Variants in HDAC4 observed in about 807,000 individuals in gnomAD.
HDAC4 encodes the protein histone deacetylase 4, also known as histone deacetylase A.
HDAC4 carries 16 observed loss-of-function variants against 135.1 expected under a neutral mutation model. The ratio of observed to expected loss-of-function variants is 0.12; its 90% CI spans 0.08 to 0.18. The LOEUF (loss-of-function observed/expected upper bound fraction) is 0.18. Among genes scored for constraint, HDAC4 ranks in the 10% least tolerant of loss-of-function variants. HDAC4 has a pLI of 1.00. For synonymous variants in HDAC4, 685 were observed against 653.4 expected (o/e 1.05, Z -0.74); for missense variants, 1,143 against 1,511.8 (o/e 0.76, Z 4.05).
chr2:239,066,592 C>A (rs1045109218), intron 24 of HDAC4, 130 bp downstream of exon 24: 2 of 1,220,072 alleles, frequency 1.6e-6, no homozygotes, highest in Admixed American at 1.7e-5. Flanking sequence ...AGGTGCAAGG[C>A]GGAGCTGCAA....
chr2:239,132,263 C>A (rs1161357636), intron 11 of HDAC4, among the ~76,000 whole-genome samples: 1 of 152,232 alleles, frequency 6.6e-6, no homozygotes, highest in Non-Finnish European at 1.5e-5. Context: ...GCACACAGAG[C>A]ATAAGCGGCT....
At chr2:239,233,509 T>C (rs1287650214) in intron 3 of HDAC4, among the ~76,000 whole-genome samples, 2 of 151,528 alleles carry the variant, frequency 1.3e-5, no homozygotes, top group South Asian at 2.1e-4. Context: ...TTCCAAGCAT[T>C]ACAGATAAGA....
Position 239,137,649 on chromosome 2 carries a change from C to T in HDAC4, c.978+2035G>A, listed in dbSNP as rs369469784. 3.9e-5 allele frequency among the ~76,000 whole-genome samples: 6 copies of T among 152,196 alleles called. No homozygotes were observed. In the East Asian group the frequency reaches 5.8e-4, roughly 15 times the overall value. ...TGCTCCCCCCACATCCTCATCCACT[C>T]GAGACACCCCCTCTGACGGGCAAGC... On this transcript the variant is annotated intron_variant, in intron 9 of 26. Transcript: ENST00000543185.
rs2043172923 is a variant in HDAC4 at position 239,167,281 on chromosome 2, C to T, written c.491-3358G>A. On this transcript the variant is annotated intron_variant, in intron 5 of 26. Coordinates refer to ENST00000543185, the MANE Select transcript of HDAC4 (RefSeq NM_001378414.1). The surrounding 1 kb of genome is among the most constrained non-coding windows in gnomAD (Gnocchi z 4.1). ...GGGTGCGCACTCCAGGAACAGGACC[C>T]ACTTTATGACCCACGTCCTCTCCCT... Among the ~76,000 whole-genome samples, 1 of 152,194 alleles carries T rather than the reference C, an allele frequency of 6.6e-6. No homozygotes were observed. The highest frequency in any genetic ancestry group is 2.4e-5 in the African/African-American group (1 of 41,446).
At chr2:239,168,903 G>A (rs1033993779) in intron 5 of HDAC4, among the ~76,000 whole-genome samples, 1 of 152,230 alleles carries the variant, frequency 6.6e-6, no homozygotes, top group African/African-American at 2.4e-5. Flanking sequence ...CACCGGGACG[G>A]CCGCCTGTGA....
intron 2 of HDAC4, among the ~76,000 whole-genome samples, chr2:239,238,527 C>T (rs2048012328): frequency 6.6e-6 from 1 of 152,142 alleles, no homozygotes; most frequent in Non-Finnish European, 1.5e-5. Context: ...CAGCTCAACG[C>T]CCAACCTTAG....
chr2:239,139,599 C>A lies in HDAC4; in HGVS notation c.978+85G>T. 2.5e-6 allele frequency: 3 copies of A among 1,212,626 alleles called. No homozygotes were observed. 75.1% of individuals were successfully genotyped at this position (1,212,626 alleles called of 1,614,324 possible). ...AAATTGGAAGGTGAAGAGTGAAGGGCAAGTGCAAAGTGGGGTCATTTCAAG... is the reference window on the plus strand; with the variant it reads ...AAATTGGAAGGTGAAGAGTGAAGGGAAAGTGCAAAGTGGGGTCATTTCAAG... On this transcript the variant is annotated intron_variant, in intron 9 of 26. Coordinates refer to ENST00000543185, the MANE Select transcript of HDAC4 (RefSeq NM_001378414.1). This position sits in a 1 kb window ranked among gnomAD's most constrained non-coding sequence, Gnocchi z 5.3.
intron 2 of HDAC4, among the ~76,000 whole-genome samples, chr2:239,290,933 G>C (rs749982196): frequency 1.3e-5 from 2 of 152,216 alleles, no homozygotes; most frequent in South Asian, 2.1e-4. Context: ...GTAAGGCAAG[G>C]GGTGGGGATT....
intron 16 of HDAC4, among the ~76,000 whole-genome samples, chr2:239,101,416 CT>C (rs1471386660): frequency 6.6e-6 from 1 of 152,164 alleles, no homozygotes; most frequent in Non-Finnish European, 1.5e-5. Flanking sequence ...GAGTGCAGGT[CT>C]CTGTGAGGCT....
In HDAC4 at chr2:239,082,365, C is replaced by T. The variant is rs115052540; in HGVS notation, c.2533-144G>A. 10 of 1,083,262 alleles carry T rather than the reference C, an allele frequency of 9.2e-6. No individual in the cohort carries two copies. The African/African-American group carries it at 9.3e-5, about 10-fold the overall frequency. 67.1% of individuals were successfully genotyped at this position (1,083,262 alleles called of 1,614,324 possible). A position where few individuals can be genotyped will look rare whatever the true frequency, so the allele number is the denominator to read the frequency against. ...ATTACCCTCCAGCTGGGCCCGTACC[C>T]GGCAGGCGCGATTCTGGGGCTGTGT... On this transcript the variant is annotated intron_variant, in intron 20 of 26. Coordinates refer to ENST00000543185, the MANE Select transcript of HDAC4 (RefSeq NM_001378414.1).
chr2:239,091,846 G>T (rs917675517), intron 17 of HDAC4: 1 of 151,558 alleles, frequency 6.6e-6, no homozygotes, highest in Admixed American at 6.6e-5. Context: ...GGATCACAAG[G>T]TCAGGAGATC....
intron 1 of HDAC4, among the ~76,000 whole-genome samples, chr2:239,390,491 C>T (rs983013155): frequency 6.6e-6 from 1 of 152,148 alleles, no homozygotes. Flanking sequence ...GGTGATTGTA[C>T]TGTAGTGAGT....
chr2:239,340,384 C>T (rs1266211126), intron 2 of HDAC4, among the ~76,000 whole-genome samples: 1 of 152,214 alleles, frequency 6.6e-6, no homozygotes, highest in Non-Finnish European at 1.5e-5. Context: ...TCAGAAGCTA[C>T]AGAGGGGCCC....
At position 239,139,586 on chromosome 2, in the gene HDAC4, G is replaced by A. The variant is rs2041208490; in HGVS notation, c.978+98C>T. 1.8e-6 allele frequency: 2 copies of A among 1,105,412 alleles called. No individual in the cohort carries two copies. The highest frequency in any genetic ancestry group is 2.8e-6 in the Non-Finnish European group (2 of 717,244). 68.5% of individuals were successfully genotyped at this position (1,105,412 alleles called of 1,614,324 possible). On this transcript the variant is annotated intron_variant, in intron 9 of 26. Transcript: ENST00000543185. The surrounding 1 kb of genome is among the most constrained non-coding windows in gnomAD (Gnocchi z 5.3). The stretch of plus-strand genomic sequence containing the variant: ...TTTCCCTCACCCCAAATTGGAAGGT[G>A]AAGAGTGAAGGGCAAGTGCAAAGTG...
chr2:239,330,716 G>A (rs887595693), intron 2 of HDAC4, among the ~76,000 whole-genome samples: 4 of 152,232 alleles, frequency 2.6e-5, no homozygotes, highest in Non-Finnish European at 5.9e-5. Context: ...GCCTTCTACA[G>A]GGAGAAAAAT....
chr2:239,294,311 C>A (rs968276677), intron 2 of HDAC4, among the ~76,000 whole-genome samples: 1 of 152,134 alleles, frequency 6.6e-6, no homozygotes, highest in East Asian at 1.9e-4. Context: ...GACGTGGACA[C>A]TGGGAGCTCC....
At chr2:239,079,391 G>A (rs1381568882) in intron 22 of HDAC4, among the ~76,000 whole-genome samples, 3 of 152,200 alleles carry the variant, frequency 2.0e-5, no homozygotes, top group South Asian at 4.1e-4. Flanking sequence ...GCTCACTGCC[G>A]GAGCAGCCAA....
In HDAC4 at chr2:239,107,502, C is replaced by T. The variant is rs533479784; in HGVS notation, c.2112+548G>A. Among the ~76,000 whole-genome samples the T allele has an allele frequency of 1.1e-4, 16 of 152,370 alleles. No individual in the cohort carries two copies. The South Asian group carries it at 3.1e-3, about 30-fold the overall frequency. On this transcript the variant is annotated intron_variant, in intron 15 of 26. Coordinates refer to ENST00000543185, the MANE Select transcript of HDAC4 (RefSeq NM_001378414.1). ...CAGGGCCCTGCCTGCAGCTCCATTCCCTTCACGACCCACTGCCTCGCCAGC... is the reference window on the plus strand; with the variant it reads ...CAGGGCCCTGCCTGCAGCTCCATTCTCTTCACGACCCACTGCCTCGCCAGC...
At chr2:239,385,846 G>A (rs773377740) in intron 1 of HDAC4, among the ~76,000 whole-genome samples, 3 of 152,222 alleles carry the variant, frequency 2.0e-5, no homozygotes, top group African/African-American at 4.8e-5. Flanking sequence ...GAATCAAAAA[G>A]AGGCCACTGG....
Sources: allele counts gnomAD v4.1 joint callset (sites outside exome capture counted in the v4.1 genomes callset), GRCh38; gene constraint gnomAD v4.1.1; non-coding constraint Gnocchi (gnomAD v3.1); transcripts MANE v1.5; gene names NCBI Gene and HGNC (gene_info 2026-07-23, HGNC 2026-07-21).